The following GRIK2 variants were observed in gnomAD, a reference collection of about 807,000 sequenced individuals.
GRIK2 encodes the protein glutamate receptor ionotropic, kainate 2.
A neutral mutation model predicts 100.3 loss-of-function variants in GRIK2; 32 were observed. The observed-to-expected ratio is 0.32, with a 90% CI of 0.24 to 0.43. The LOEUF (loss-of-function observed/expected upper bound fraction) is 0.43. GRIK2 is among the 20% of genes least tolerant of loss of function. The pLI, the probability that GRIK2 is intolerant of heterozygous loss-of-function variation, is 1.00. For synonymous variants in GRIK2, 417 were observed against 389.4 expected, an observed-to-expected ratio of 1.07 and a Z score of -0.83; for missense variants, 843 against 1,114.9, an observed-to-expected ratio of 0.76 and a Z score of 3.47.
intron 11 of GRIK2, among the ~76,000 whole-genome samples, chr6:101,863,510 A>G (rs1328477428): frequency 6.6e-6 from 1 of 152,172 alleles, no homozygotes; most frequent in Non-Finnish European, 1.5e-5. Context: ...ACTTAATCAT[A>G]GACATTCCTT....
At chr6:101,841,784 C>T (rs572925504) in intron 10 of GRIK2, among the ~76,000 whole-genome samples, 22 of 152,272 alleles carry the variant, frequency 1.4e-4, no homozygotes, top group African/African-American at 5.1e-4. Flanking sequence ...TAATGGAATT[C>T]ACTTATACGT....
At chr6:101,621,834 C>T (rs139990823) in intron 2 of GRIK2, 115 bp from the exon 3 acceptor site, 44 of 707,724 alleles carry the variant, frequency 6.2e-5, no homozygotes, top group Middle Eastern at 2.7e-4. Flanking sequence ...CACACACACA[C>T]GCAAATGCAC....
intron 2 of GRIK2, among the ~76,000 whole-genome samples, chr6:101,493,483 T>C (rs2128268492): frequency 6.6e-6 from 1 of 152,210 alleles, no homozygotes; most frequent in East Asian, 1.9e-4. Context: ...AGACAATGAC[T>C]GTTAACATAG....
intron 7 of GRIK2, among the ~76,000 whole-genome samples, chr6:101,764,030 G>A (rs1027317518): frequency 1.3e-5 from 2 of 152,072 alleles, no homozygotes; most frequent in African/African-American, 4.8e-5. Flanking sequence ...CTTAAATAAG[G>A]TTTTAAATCC....
chr6:101,559,925 A>C (rs1776921778), intron 2 of GRIK2, among the ~76,000 whole-genome samples: 1 of 152,120 alleles, frequency 6.6e-6, no homozygotes, highest in African/African-American at 2.4e-5. Context: ...AGTTTTTGAG[A>C]TCCTATAGCA....
intron 12 of GRIK2, among the ~76,000 whole-genome samples, chr6:101,912,079 CAGACACAA>C (rs1346427043): frequency 0.53 from 73,511 of 138,756 alleles, 20,936 homozygotes; most frequent in East Asian, 0.71. Context: ...CACACACACA[CAGACACAA>C]ACACACACAC....
intron 7 of GRIK2, among the ~76,000 whole-genome samples, chr6:101,793,287 C>G (rs1208823962): frequency 6.6e-6 from 1 of 152,094 alleles, no homozygotes; most frequent in African/African-American, 2.4e-5. Flanking sequence ...AGGTGCTCTG[C>G]TTTTTAGAGT....
intron 10 of GRIK2, among the ~76,000 whole-genome samples, chr6:101,829,508 C>T (rs1274651119): frequency 6.6e-6 from 1 of 151,884 alleles, no homozygotes; most frequent in Non-Finnish European, 1.5e-5. Context: ...GAAGATTCCT[C>T]CAAGGACTCA....
chr6:102,037,849 A>C (rs1220257146), intron 15 of GRIK2, among the ~76,000 whole-genome samples: 3 of 151,296 alleles, frequency 2.0e-5, no homozygotes, highest in Non-Finnish European at 4.4e-5. Context: ...GAACCCAGAA[A>C]CTTCATGAGT....
chr6:101,916,966 C>A (rs1789154670), intron 12 of GRIK2, among the ~76,000 whole-genome samples: 1 of 151,512 alleles, frequency 6.6e-6, no homozygotes, highest in African/African-American at 2.4e-5. Flanking sequence ...TATGCCTGAT[C>A]CCACTACAGA....
intron 2 of GRIK2, among the ~76,000 whole-genome samples, chr6:101,479,308 A>G (rs1772406898): frequency 6.6e-6 from 1 of 152,108 alleles, no homozygotes; most frequent in African/African-American, 2.4e-5. Context: ...GCTGTAAGTG[A>G]TATTTGTTAG....
chr6:101,616,686 G>A (rs1779909096), intron 2 of GRIK2, among the ~76,000 whole-genome samples: 1 of 151,622 alleles, frequency 6.6e-6, no homozygotes, highest in African/African-American at 2.4e-5. Flanking sequence ...GCTTTCAAGT[G>A]TGTGATATTT....
chr6:101,437,258 C>G (rs1769775005), intron 2 of GRIK2, among the ~76,000 whole-genome samples: 1 of 151,942 alleles, frequency 6.6e-6, no homozygotes, highest in Non-Finnish European at 1.5e-5. Context: ...AAGGCATTAG[C>G]AAAAATGTCC....
intron 7 of GRIK2, among the ~76,000 whole-genome samples, chr6:101,796,977 T>C (rs1251968020): frequency 1.3e-5 from 2 of 152,158 alleles, no homozygotes; most frequent in African/African-American, 4.8e-5. Context: ...AAAAGATTTT[T>C]TGATTTTTAA....
At chr6:101,517,066 A>G (rs373453414) in intron 2 of GRIK2, among the ~76,000 whole-genome samples, 131 of 152,202 alleles carry the variant, frequency 8.6e-4, no homozygotes, top group African/African-American at 3.1e-3. Context: ...GCTCTAATTG[A>G]ATACATTAAA....
At chr6:101,639,614 A>G (rs1781190851) in intron 4 of GRIK2, among the ~76,000 whole-genome samples, 1 of 152,080 alleles carries the variant, frequency 6.6e-6, no homozygotes, top group Non-Finnish European at 1.5e-5. Context: ...ATACATACAT[A>G]CATACATACA....
At chr6:101,640,110 A>G (rs1781217287) in intron 4 of GRIK2, among the ~76,000 whole-genome samples, 1 of 152,200 alleles carries the variant, frequency 6.6e-6, no homozygotes, top group Admixed American at 6.5e-5. Flanking sequence ...TTATAACTCA[A>G]AGCACTTGTT....
chr6:101,771,438 G>A (rs913700312), intron 7 of GRIK2, among the ~76,000 whole-genome samples: 1 of 151,812 alleles, frequency 6.6e-6, no homozygotes, highest in African/African-American at 2.4e-5. Context: ...AGCGGTTATG[G>A]AAGCCCAGTT....
intron 7 of GRIK2, among the ~76,000 whole-genome samples, chr6:101,723,537 G>C (rs1774639279): frequency 6.6e-6 from 1 of 151,922 alleles, no homozygotes. Context: ...CTTCCTCCAT[G>C]GCTGTAAGAT....
Sources: allele counts gnomAD v4.1 joint callset (sites outside exome capture counted in the v4.1 genomes callset), GRCh38; gene constraint gnomAD v4.1.1; transcripts MANE v1.5; gene names NCBI Gene and HGNC (gene_info 2026-07-23, HGNC 2026-07-21).